ARHGEF10: variants seen among roughly 807,000 people sequenced by gnomAD.
ARHGEF10 encodes Rho guanine nucleotide exchange factor (GEF) 10.
A neutral mutation model predicts 147.4 loss-of-function variants in ARHGEF10; 140 were observed. The ratio of observed to expected loss-of-function variants is 0.95; its 90% confidence interval spans 0.83 to 1.09. The LOEUF is 1.09. Among genes scored for constraint, ARHGEF10 ranks in the 50% least tolerant of loss-of-function variants. ARHGEF10 has a pLI of 0.00. For missense variants in ARHGEF10, 2,222 were observed against 1,752.7 expected (o/e 1.27, Z -4.78); for synonymous variants, 902 against 695.8 (o/e 1.30, Z -4.67).
At chr8:1,870,231 C>T (rs1288210350) in intron 7 of ARHGEF10, 1 of 127,746 alleles carries the variant, frequency 7.8e-6, no homozygotes, top group Non-Finnish European at 1.6e-5. Context: ...ATCTTGTTAC[C>T]GATTTTTTTT....
intron 18 of ARHGEF10, among the ~76,000 whole-genome samples, 179 bp downstream of exon 18, chr8:1,909,649 G>A (rs1233316890): frequency 1.3e-5 from 2 of 152,226 alleles, no homozygotes; most frequent in African/African-American, 2.4e-5. Context: ...GGCCAAGTCG[G>A]CTGCTCATCA....
At chr8:1,946,789 G>A (rs974275007) in intron 27 of ARHGEF10, among the ~76,000 whole-genome samples, 26 of 152,148 alleles carry the variant, frequency 1.7e-4, no homozygotes, top group Non-Finnish European at 5.9e-5. Context: ...ACAAGGGGAG[G>A]ATGAGGAGGC....
intron 15 of ARHGEF10, among the ~76,000 whole-genome samples, chr8:1,902,387 C>T (rs1393918391): frequency 7.2e-5 from 11 of 152,196 alleles, no homozygotes; most frequent in African/African-American, 2.7e-4. Context: ...CTGTGATTGG[C>T]AGCAGTGCGT....
intron 21 of ARHGEF10, among the ~76,000 whole-genome samples, chr8:1,924,083 G>A (rs1812501396): frequency 6.6e-6 from 1 of 152,218 alleles, no homozygotes; most frequent in Admixed American, 6.5e-5. Context: ...TTAAAATGGA[G>A]GGGTTAAAAC....
intron 28 of ARHGEF10, among the ~76,000 whole-genome samples, chr8:1,956,455 T>G (rs1335367430): frequency 6.6e-6 from 1 of 152,238 alleles, no homozygotes; most frequent in Non-Finnish European, 1.5e-5. Context: ...AAATGACTAT[T>G]TTATTACTTT....
intron 2 of ARHGEF10, among the ~76,000 whole-genome samples, chr8:1,849,619 C>T (rs1379432340): frequency 2.8e-4 from 37 of 132,334 alleles, no homozygotes; most frequent in African/African-American, 1.0e-3. Context: ...CTGAGGAGGG[C>T]GTGGGGCAGT....
chr8:1,873,166 A>G (rs1563209062), intron 7 of ARHGEF10, among the ~76,000 whole-genome samples: 1 of 152,162 alleles, frequency 6.6e-6, no homozygotes, highest in Non-Finnish European at 1.5e-5. Context: ...GCAGGGAGCC[A>G]GTTTCCGAAA....
chr8:1,858,142 G>GGGTCCCC (rs772994240), intron 3 of ARHGEF10, 27 bp downstream of exon 3: 8 of 1,600,232 alleles, frequency 5.0e-6, no homozygotes, highest in African/African-American at 1.4e-5. Context: ...GTCCCCAGGT[G>GGGTCCCC]AGTCCCCAGG....
intron 26 of ARHGEF10, among the ~76,000 whole-genome samples, chr8:1,941,494 G>C (rs1211056040): frequency 6.6e-6 from 1 of 152,058 alleles, no homozygotes; most frequent in Non-Finnish European, 1.5e-5. Flanking sequence ...TATGTTCATA[G>C]ATTGGAAGAT....
chr8:1,944,864 G>A (rs1384524737), intron 26 of ARHGEF10, among the ~76,000 whole-genome samples: 2 of 152,218 alleles, frequency 1.3e-5, no homozygotes, highest in Non-Finnish European at 2.9e-5. Context: ...TTGGGGGGTC[G>A]CTGTGTTAGC....
At chr8:1,840,012 G>A (rs1176970039) in intron 1 of ARHGEF10, among the ~76,000 whole-genome samples, 10 of 143,586 alleles carry the variant, frequency 7.0e-5, no homozygotes, top group Non-Finnish European at 1.2e-4. Flanking sequence ...TGTGGAAGCT[G>A]TCCGATATGG....
rs1033127963 is a variant in ARHGEF10, at chr8:1,928,550, G to A, written c.2821G>A (p.Glu941Lys). 4.3e-6 allele frequency: 7 copies of A among 1,614,088 alleles called. No homozygotes were observed. Among genetic ancestry groups the A allele is most frequent in the African/African-American group, 1.3e-5 (1 of 74,930 alleles). Reference protein sequence around the residue: ...RILCMLYVPVEEKRREPGAPP... With the variant: ...RILCMLYVPVKEKRREPGAPP... ...CCTGTGCATGCTGTACGTTCCCGTC[G>A]AGGAGAAGCGCAGAGAGCCTGGGGC... Residue 941 changes from glutamate to lysine, a missense_variant, in exon 24 of 29, where the codon GAG (glutamate) becomes AAG (lysine). By Grantham distance (56) the Glu-to-Lys change is moderately conservative. Transcript: ENST00000349830.
At chr8:1,926,573 G>C (rs774061419) in intron 23 of ARHGEF10, 110 bp downstream of exon 23, 84 of 947,760 alleles carry the variant, frequency 8.9e-5, no homozygotes, top group Non-Finnish European at 1.4e-4. Context: ...TGGCGGTGGC[G>C]TATCCCAGAG....
chr8:1,860,180 A>G lies in ARHGEF10; in HGVS notation c.477A>G (p.Glu159=), dbSNP rs749464811. 1 of 1,612,864 alleles carries G rather than the reference A, an allele frequency of 6.2e-7. No individual in the cohort carries two copies. Among genetic ancestry groups the G allele is most frequent in the African/African-American group, 1.3e-5 (1 of 75,014 alleles). The change falls in exon 4 of 29, where the codon GAA becomes GAG. Residue 159 remains glutamate, a synonymous_variant. Transcript: ENST00000349830. ...TCATCTGCGCCACGTCCCTGGACGA[A>G]GAAGGTACTGCTACCCTCCTCTCCA... The part of the protein sequence containing the change: ...PVIICATSLD[E]EETPEVTEDR...
Position 1,945,825 on chromosome 8 carries a change from G to A in ARHGEF10, c.3397+170G>A, listed in dbSNP as rs569226883. 4.0e-5 allele frequency: 42 copies of A among 1,054,312 alleles called. 1 individual carries two copies. In the South Asian group the frequency reaches 5.6e-4, roughly 14 times the overall value. The allele number at this position is 1,054,312 out of a possible 1,614,324, so 65.3% of individuals were successfully genotyped here. On this transcript the variant is annotated intron_variant, in intron 27 of 28. Coordinates refer to ENST00000349830, the MANE Select transcript of ARHGEF10 (RefSeq NM_014629.4). Reference sequence around the variant, plus strand: ...CCAGGGACAGACGTGGGAGTACGGAGCATGGTCAGCCCACTTTAGCGCTTC... The same window carrying A: ...CCAGGGACAGACGTGGGAGTACGGAACATGGTCAGCCCACTTTAGCGCTTC...
At chr8:1,830,203 G>T (rs1320509912) in intron 1 of ARHGEF10, among the ~76,000 whole-genome samples, 2 of 152,212 alleles carry the variant, frequency 1.3e-5, no homozygotes, top group Non-Finnish European at 2.9e-5. Flanking sequence ...CTGTAATCCT[G>T]GGAGATTTCC....
Position 1,925,422 on chromosome 8 carries a change from C to CCG in ARHGEF10, c.2610+21_2610+22dup. The CCG allele has an allele frequency of 6.2e-7, 1 of 1,613,482 alleles. No individual in the cohort carries two copies. The highest frequency in any genetic ancestry group is 8.5e-7 in the Non-Finnish European group (1 of 1,179,916). The stretch of plus-strand genomic sequence containing the variant: ...AGTTCAAGGTGAAGGGAGGCAGGGC[C>CCG]CGCGGCCCGGGGTGGGACGCACCTC... On this transcript the variant is annotated intron_variant, in intron 22 of 28. Coordinates refer to ENST00000349830, the MANE Select transcript of ARHGEF10 (RefSeq NM_014629.4).
chr8:1,843,321 A>G lies in ARHGEF10; in HGVS notation c.-47-32A>G, dbSNP rs998416309. On this transcript the variant is annotated intron_variant, in intron 1 of 28. Transcript: ENST00000349830. ...ATTGAGTGCATGTTTATCCACCTGA[A>G]CGGTGACAAGCAGTGTCTCTCCTTC... 1.9e-6 allele frequency: 3 copies of G among 1,568,202 alleles called. No individual in the cohort carries two copies. The African/African-American group carries it at 4.1e-5, about 21-fold the overall frequency.
chr8:1,869,577 A>C (rs541337868), intron 7 of ARHGEF10: 1 of 455,384 alleles, frequency 2.2e-6, no homozygotes, highest in African/African-American at 2.0e-5. Context: ...ATCAGTGAGA[A>C]AGTAGAGAGA....
Sources: allele counts gnomAD v4.1 joint callset (sites outside exome capture counted in the v4.1 genomes callset), GRCh38; gene constraint gnomAD v4.1.1; transcripts MANE v1.5; gene names NCBI Gene and HGNC (gene_info 2026-07-23, HGNC 2026-07-21).